The following OR8H3 variants were observed in gnomAD, a reference collection of about 807,000 sequenced individuals.
The protein encoded by OR8H3 is olfactory receptor 8H3.
For synonymous variants in OR8H3, 143 were observed against 136.4 expected (o/e 1.05, Z -0.34); for missense variants, 381 against 370.8 (o/e 1.03, Z -0.23).
At position 56,122,746 on chromosome 11, in the gene OR8H3, C is replaced by T. The variant is rs771350543; in HGVS notation, c.374C>T (p.Ala125Val). ...TCAATGGCCTATGATCGCTATGCAG[C>T]GATCTGCAGTCCTCTACACTACACA... ...LSSMAYDRYA[A>V]ICSPLHYTVI... The change falls in exon 1 of 1, where the codon GCG (alanine) becomes GTG (valine). Residue 125 changes from alanine (A) to valine (V), a missense_variant. Coordinates refer to ENST00000313472, the MANE Select transcript of OR8H3 (RefSeq NM_001005201.1). The T allele has an allele frequency of 9.3e-6, 15 of 1,614,042 alleles. No individual in the cohort carries two copies. The South Asian group carries it at 9.9e-5, about 11-fold the overall frequency.
In OR8H3 at chr11:56,122,926, T is replaced by C. The variant is rs1331939185; in HGVS notation, c.554T>C (p.Leu185Ser). 6.2e-7 allele frequency: 1 copy of C among 1,614,210 alleles called. No homozygotes were observed. Among genetic ancestry groups the C allele is most frequent in the Non-Finnish European group, 8.5e-7 (1 of 1,180,032 alleles). Residue 185 changes from leucine (L) to serine (S), a missense_variant, in exon 1 of 1, where the codon TTA becomes TCA. Leu to Ser is a moderately radical substitution (Grantham distance 145). Coordinates refer to ENST00000313472, the MANE Select transcript of OR8H3 (RefSeq NM_001005201.1). ...HHFFCDTSPI[L>S]ALSCTDTDNT... ...TTTTTCTGTGACACTTCCCCAATTT[T>C]AGCTCTGTCCTGCACTGACACAGAC...
rs1050546322 is a variant in OR8H3 at position 56,123,090 on chromosome 11, A to C, written c.718A>C (p.Thr240Pro). 5 of 1,614,106 alleles carry C rather than the reference A, an allele frequency of 3.1e-6. No homozygotes were observed. The highest frequency in any genetic ancestry group is 2.5e-6 in the Non-Finnish European group (3 of 1,179,966). The change falls in exon 1 of 1, where the codon ACT becomes CCT. Residue 240 changes from threonine to proline, a missense_variant. Physicochemically the swap from Thr to Pro is conservative, Grantham distance 38 (BLOSUM62 -1). Coordinates refer to ENST00000313472, the MANE Select transcript of OR8H3 (RefSeq NM_001005201.1). ...TTCAGGAAAGCAGAAAGCTTTCTCT[A>C]CTTGCGTCTCTCATCTCTTGGGAGT... is the stretch of plus-strand genomic sequence containing the variant. ...STSGKQKAFS[T>P]CVSHLLGVTI...
In OR8H3 at chr11:56,122,419, C is replaced by A; in HGVS notation, c.47C>A (p.Thr16Lys). 6 of 1,613,890 alleles carry A rather than the reference C, an allele frequency of 3.7e-6. No individual in the cohort carries two copies. The highest frequency in any genetic ancestry group is 4.2e-6 in the Non-Finnish European group (5 of 1,179,904). ...NDTNVADFIL[T>K]GLSDSEEVQM... is the part of the protein sequence containing the mutation. ...ACAAATGTGGCTGACTTCATCCTTA[C>A]GGGACTGTCAGACTCTGAAGAGGTC... Residue 16 changes from threonine to lysine, a missense_variant, in exon 1 of 1, where the codon ACG becomes AAG. Coordinates refer to ENST00000313472, the MANE Select transcript of OR8H3 (RefSeq NM_001005201.1).
Position 56,122,946 on chromosome 11 carries a change from A to T in OR8H3, c.574A>T (p.Thr192Ser), listed in dbSNP as rs1270928919. The T allele has an allele frequency of 1.2e-6, 2 of 1,614,098 alleles. No homozygotes were observed. The highest frequency in any genetic ancestry group is 2.7e-5 in the African/African-American group (2 of 74,946). The change falls in exon 1 of 1, where the codon ACA becomes TCA. Residue 192 changes from threonine (T) to serine (S), a missense_variant. Coordinates refer to ENST00000313472, the MANE Select transcript of OR8H3 (RefSeq NM_001005201.1). ...AATTTTAGCTCTGTCCTGCACTGAC[A>T]CAGACAACACTGAAATGCTGATATT... ...SPILALSCTDTDNTEMLIFII... is the reference protein window; with the variant it reads ...SPILALSCTDSDNTEMLIFII...
At position 56,123,163 on chromosome 11, in the gene OR8H3, A is replaced by C. The variant is rs1030673739; in HGVS notation, c.791A>C (p.Lys264Thr). The change falls in exon 1 of 1, where the codon AAG becomes ACG. Residue 264 changes from lysine to threonine, a missense_variant. Transcript: ENST00000313472. ...ATTTTTACTTACTTAAAGCCAAGAA[A>C]GTCTTATTCCTTGGGAAGAGATCAA... ...TMIFTYLKPR[K>T]SYSLGRDQVA... 24 of 1,613,894 alleles carry C rather than the reference A, an allele frequency of 1.5e-5. No individual in the cohort carries two copies. Among genetic ancestry groups the C allele is most frequent in the Non-Finnish European group, 2.0e-5 (24 of 1,179,824 alleles).
rs1854203902 is a variant in OR8H3 at position 56,122,792 on chromosome 11, C to G, written c.420C>G (p.Leu140=). 6.2e-7 allele frequency: 1 copy of G among 1,614,124 alleles called. No individual in the cohort carries two copies. The highest frequency in any genetic ancestry group is 8.5e-7 in the Non-Finnish European group (1 of 1,180,014). The change falls in exon 1 of 1, where the codon CTC becomes CTG. Residue 140 remains leucine, a synonymous_variant. Transcript: ENST00000313472. Reference sequence around the variant, plus strand: ...ACACAGTTATTATGCCCAAAAGGCTCTGCCTCGCTCTCATCACTGGGCCTT... The same window carrying G: ...ACACAGTTATTATGCCCAAAAGGCTGTGCCTCGCTCTCATCACTGGGCCTT... ...LHYTVIMPKR[L]CLALITGPYV...
In OR8H3 at chr11:56,123,000, T is replaced by C. The variant is rs753493595; in HGVS notation, c.628T>C (p.Ser210Pro). ...FIIAGSTLMV[S>P]LITISASYVS... is the part of the protein sequence containing the mutation. ...TATCGCTGGTTCCACCCTGATGGTG[T>C]CCCTTATCACAATATCTGCATCCTA... Residue 210 changes from serine to proline, a missense_variant, in exon 1 of 1, where the codon TCC (serine) becomes CCC (proline). By Grantham distance (74) the Ser-to-Pro change is moderately conservative. Transcript: ENST00000313472. 4.3e-6 allele frequency: 7 copies of C among 1,614,050 alleles called. No individual in the cohort carries two copies. The highest frequency in any genetic ancestry group is 4.2e-6 in the Non-Finnish European group (5 of 1,180,030).
chr11:56,122,751 T>G lies in OR8H3; in HGVS notation c.379T>G (p.Cys127Gly). Residue 127 changes from cysteine (C) to glycine (G), a missense_variant, in exon 1 of 1, where the codon TGC (cysteine) becomes GGC (glycine). Physicochemically the swap from Cys to Gly is radical, Grantham distance 159. Transcript: ENST00000313472. ...SMAYDRYAAI[C>G]SPLHYTVIMP... is the part of the protein sequence containing the mutation. The stretch of plus-strand genomic sequence containing the variant: ...GGCCTATGATCGCTATGCAGCGATC[T>G]GCAGTCCTCTACACTACACAGTTAT... 1 of 1,614,050 alleles carries G rather than the reference T, an allele frequency of 6.2e-7. No individual in the cohort carries two copies. The highest frequency in any genetic ancestry group is 8.5e-7 in the Non-Finnish European group (1 of 1,179,860).
At position 56,122,873 on chromosome 11, in the gene OR8H3, T is replaced by C; in HGVS notation, c.501T>C (p.His167=). 1 of 1,614,172 alleles carries C rather than the reference T, an allele frequency of 6.2e-7. No individual in the cohort carries two copies. Residue 167 remains histidine (H), a synonymous_variant, in exon 1 of 1, where the codon CAT becomes CAC. Coordinates refer to ENST00000313472, the MANE Select transcript of OR8H3 (RefSeq NM_001005201.1). ...FVNVVSMSRL[H]FCDSNIIHHF... is the part of the protein sequence containing the mutation. The stretch of plus-strand genomic sequence containing the variant: ...ATGTGGTTTCCATGAGCAGATTGCA[T>C]TTCTGTGACTCAAACATAATTCATC...
Position 56,123,198 on chromosome 11 carries a change from G to A in OR8H3, c.826G>A (p.Val276Met). ...YSLGRDQVAP[V>M]FYTIVIPMLN... ...CTTGGGAAGAGATCAAGTGGCTCCT[G>A]TGTTTTATACTATTGTGATTCCCAT... The change falls in exon 1 of 1, where the codon GTG (valine) becomes ATG (methionine). Residue 276 changes from valine (V) to methionine (M), a missense_variant. Transcript: ENST00000313472. 2 of 1,613,312 alleles carry A rather than the reference G, an allele frequency of 1.2e-6. No homozygotes were observed. The highest frequency in any genetic ancestry group is 1.7e-6 in the Non-Finnish European group (2 of 1,179,292).
At position 56,123,121 on chromosome 11, in the gene OR8H3, T is replaced by A; in HGVS notation, c.749T>A (p.Ile250Asn). The A allele has an allele frequency of 1.2e-6, 2 of 1,614,100 alleles. No individual in the cohort carries two copies. The highest frequency in any genetic ancestry group is 1.7e-6 in the Non-Finnish European group (2 of 1,179,958). The change falls in exon 1 of 1, where the codon ATC becomes AAC. Residue 250 changes from isoleucine (I) to asparagine (N), a missense_variant. Transcript: ENST00000313472. ...GTCTCTCATCTCTTGGGAGTCACCA[T>A]CTTCTATGGAACTATGATTTTTACT... ...TCVSHLLGVTIFYGTMIFTYL... is the reference protein window; with the variant it reads ...TCVSHLLGVTNFYGTMIFTYL...
Position 56,123,265 on chromosome 11 carries a change from A to G in OR8H3, c.893A>G (p.Lys298Arg). 6.2e-7 allele frequency: 1 copy of G among 1,608,824 alleles called. No individual in the cohort carries two copies. Among genetic ancestry groups the G allele is most frequent in the Non-Finnish European group, 8.5e-7 (1 of 1,177,420 alleles). ...TATAGTCTTAGAAACAGAGAAGTGAAAAATGCTCTCATTAGAGTCATGCAG... is the reference window on the plus strand; with the variant it reads ...TATAGTCTTAGAAACAGAGAAGTGAGAAATGCTCTCATTAGAGTCATGCAG... ...LIYSLRNREV[K>R]NALIRVMQRR... The change falls in exon 1 of 1, where the codon AAA becomes AGA. Residue 298 changes from lysine (K) to arginine (R), a missense_variant. Lys to Arg is a conservative substitution (Grantham distance 26). Transcript: ENST00000313472.
chr11:56,123,242 T>C lies in OR8H3; in HGVS notation c.870T>C (p.Tyr290=). Residue 290 remains tyrosine (Y), a synonymous_variant, in exon 1 of 1, where the codon TAT becomes TAC. Coordinates refer to ENST00000313472, the MANE Select transcript of OR8H3 (RefSeq NM_001005201.1). The part of the protein sequence containing the change: ...IVIPMLNPLI[Y]SLRNREVKNA... ...TTCCCATGCTGAATCCACTCATTTA[T>C]AGTCTTAGAAACAGAGAAGTGAAAA... 1 of 1,612,612 alleles carries C rather than the reference T, an allele frequency of 6.2e-7. No homozygotes were observed. The highest frequency in any genetic ancestry group is 8.5e-7 in the Non-Finnish European group (1 of 1,178,972).
rs1396870079 is a variant in OR8H3, at chr11:56,123,159, A to C, written c.787A>C (p.Arg263=). The C allele has an allele frequency of 6.2e-7, 1 of 1,613,920 alleles. No homozygotes were observed. The highest frequency in any genetic ancestry group is 1.7e-5 in the Admixed American group (1 of 59,992). The change falls in exon 1 of 1, where the codon AGA becomes CGA. Residue 263 remains arginine, a synonymous_variant. Transcript: ENST00000313472. ...GTMIFTYLKP[R]KSYSLGRDQV... ...TATGATTTTTACTTACTTAAAGCCA[A>C]GAAAGTCTTATTCCTTGGGAAGAGA...
Position 56,122,980 on chromosome 11 carries a change from C to T in OR8H3, c.608C>T (p.Ala203Val), listed in dbSNP as rs141920018. 90 of 1,614,008 alleles carry T rather than the reference C, an allele frequency of 5.6e-5. 1 individual carries two copies. The highest frequency in any genetic ancestry group is 1.6e-4 in the Middle Eastern group (1 of 6,082). ...DNTEMLIFII[A>V]GSTLMVSLIT... ...ACTGAAATGCTGATATTCATTATCGCTGGTTCCACCCTGATGGTGTCCCTT... is the reference window on the plus strand; with the variant it reads ...ACTGAAATGCTGATATTCATTATCGTTGGTTCCACCCTGATGGTGTCCCTT... Residue 203 changes from alanine to valine, a missense_variant, in exon 1 of 1, where the codon GCT becomes GTT. Ala to Val is a moderately conservative substitution (Grantham distance 64). Transcript: ENST00000313472.
Position 56,122,966 on chromosome 11 carries a change from G to A in OR8H3, c.594G>A (p.Leu198=). The change falls in exon 1 of 1, where the codon CTG becomes CTA. Residue 198 remains leucine (L), a synonymous_variant. Transcript: ENST00000313472. The part of the protein sequence containing the change: ...SCTDTDNTEM[L]IFIIAGSTLM... ...CTGACACAGACAACACTGAAATGCT[G>A]ATATTCATTATCGCTGGTTCCACCC... 1.2e-6 allele frequency: 2 copies of A among 1,614,142 alleles called. No homozygotes were observed. The highest frequency in any genetic ancestry group is 1.7e-6 in the Non-Finnish European group (2 of 1,180,018).
At position 56,123,043 on chromosome 11, in the gene OR8H3, C is replaced by T. The variant is rs1288287861; in HGVS notation, c.671C>T (p.Thr224Ile). The change falls in exon 1 of 1, where the codon ACC (threonine) becomes ATC (isoleucine). Residue 224 changes from threonine (T) to isoleucine (I), a missense_variant. Coordinates refer to ENST00000313472, the MANE Select transcript of OR8H3 (RefSeq NM_001005201.1). ...ISASYVSILSTILKINSTSGK... is the reference protein window; with the variant it reads ...ISASYVSILSIILKINSTSGK... The stretch of plus-strand genomic sequence containing the variant: ...GCATCCTATGTGTCCATTCTCTCTA[C>T]CATCCTGAAAATTAATTCCACTTCA... 6.2e-7 allele frequency: 1 copy of T among 1,614,154 alleles called. No homozygotes were observed. The highest frequency in any genetic ancestry group is 8.5e-7 in the Non-Finnish European group (1 of 1,180,020).
chr11:56,123,114 G>A lies in OR8H3; in HGVS notation c.742G>A (p.Val248Ile), dbSNP rs1239249625. 3 of 1,614,024 alleles carry A rather than the reference G, an allele frequency of 1.9e-6. No homozygotes were observed. The highest frequency in any genetic ancestry group is 2.2e-5 in the South Asian group (2 of 91,088). ...FSTCVSHLLG[V>I]TIFYGTMIFT... ...TACTTGCGTCTCTCATCTCTTGGGA[G>A]TCACCATCTTCTATGGAACTATGAT... Residue 248 changes from valine to isoleucine, a missense_variant, in exon 1 of 1, where the codon GTC becomes ATC. By Grantham distance (29) the Val-to-Ile change is conservative. Coordinates refer to ENST00000313472, the MANE Select transcript of OR8H3 (RefSeq NM_001005201.1).
chr11:56,123,254 C>G lies in OR8H3; in HGVS notation c.882C>G (p.Asn294Lys). Residue 294 changes from asparagine (N) to lysine (K), a missense_variant, in exon 1 of 1, where the codon AAC becomes AAG. Transcript: ENST00000313472. ...MLNPLIYSLR[N>K]REVKNALIRV... ...ATCCACTCATTTATAGTCTTAGAAACAGAGAAGTGAAAAATGCTCTCATTA... is the reference window on the plus strand; with the variant it reads ...ATCCACTCATTTATAGTCTTAGAAAGAGAGAAGTGAAAAATGCTCTCATTA... 6.2e-7 allele frequency: 1 copy of G among 1,609,676 alleles called. No individual in the cohort carries two copies.
Sources: gnomAD v4.1 joint callset for allele counts on GRCh38, gnomAD v4.1.1 for gene constraint, MANE v1.5 for transcripts, NCBI Gene and HGNC (gene_info 2026-07-23, HGNC 2026-07-21) for gene names.